The following ZAN variants were observed in gnomAD, a reference collection of about 807,000 sequenced individuals.
ZAN encodes the protein zonadhesin (gene/pseudogene).
Under a neutral mutation model 286.2 loss-of-function variants are expected in ZAN, and 260 were observed. The observed-to-expected ratio is 0.91, with a 90% CI of 0.82 to 1.01. The LOEUF is 1.01. Ranked by LOEUF, ZAN falls within the 50% of genes least tolerant of loss-of-function variation. ZAN has a pLI of 0.00. For missense variants in ZAN, 3,410 were observed against 3,639.2 expected (o/e 0.94, Z 1.62); for synonymous variants, 1,368 against 1,417.5 (o/e 0.97, Z 0.79).
chr7:100,767,258 G>A lies in ZAN; in HGVS notation c.4860+1G>A. The A allele has an allele frequency of 6.2e-7, 1 of 1,605,560 alleles. No homozygotes were observed. On this transcript the variant is annotated splice_donor_variant, in intron 25 of 47. Transcript: ENST00000613979. LOFTEE classifies it high-confidence loss of function. The stretch of plus-strand genomic sequence containing the variant: ...ACTGCTCAGAGGCTGTAAGGTCATG[G>A]TGGGTGTCTTCCTCCTGCCTCCTGG...
At chr7:100,780,292 A>G (rs1017125270) in intron 35 of ZAN, among the ~76,000 whole-genome samples, 7 of 152,188 alleles carry the variant, frequency 4.6e-5, no homozygotes, top group African/African-American at 1.2e-4. Flanking sequence ...CAGGAATTCA[A>G]TAGAGTTTTT....
chr7:100,794,449 C>T (rs1419225751), intron 44 of ZAN, among the ~76,000 whole-genome samples, 191 bp downstream of exon 44: 1 of 152,126 alleles, frequency 6.6e-6, no homozygotes, highest in Non-Finnish European at 1.5e-5. Flanking sequence ...CGAATCCTTC[C>T]CTAGCGTTCC....
Position 100,797,722 on chromosome 7 carries a change from G to A in ZAN, c.8429G>A (p.Cys2810Tyr). The A allele has an allele frequency of 6.2e-7, 1 of 1,613,964 alleles. No homozygotes were observed. Reference protein sequence around the residue: ...RLVDTDTVLDCAC With the variant: ...RLVDTDTVLDYAC ...TTCTCCTCAGATACTGTTCTGGACTGTGCCTGTTAAGTTGCTCAGTTTTGA... is the reference window on the plus strand; with the variant it reads ...TTCTCCTCAGATACTGTTCTGGACTATGCCTGTTAAGTTGCTCAGTTTTGA... The change falls in exon 48 of 48, where the codon TGT (cysteine) becomes TAT (tyrosine). Residue 2810 changes from cysteine (C) to tyrosine (Y), a missense_variant. Around this residue, in one of 7 missense-constraint regions of ZAN, gnomAD observed 1,289 missense variants for 1,314.3 expected, o/e 0.98. Transcript: ENST00000613979.
intron 11 of ZAN, among the ~76,000 whole-genome samples, chr7:100,749,447 T>C (rs570632485): frequency 1.3e-4 from 20 of 150,496 alleles, no homozygotes; most frequent in Admixed American, 6.0e-4. Flanking sequence ...GAGACCATCC[T>C]GGCTAACACG....
At position 100,766,602 on chromosome 7, in the gene ZAN, C is replaced by G; in HGVS notation, c.4548C>G (p.Pro1516=). The change falls in exon 24 of 48, where the codon CCC becomes CCG. Residue 1516 remains proline, a synonymous_variant. Coordinates refer to ENST00000613979, the MANE Select transcript of ZAN (RefSeq NM_003386.3). ...CESNNRIRCQ[P]WRCRAQEFCG... Reference sequence around the variant, plus strand: ...GCAACAACAGAATTCGCTGCCAGCCCTGGAGGTGTAGGGCCCAGGAGTTCT... The same window carrying G: ...GCAACAACAGAATTCGCTGCCAGCCGTGGAGGTGTAGGGCCCAGGAGTTCT... 1 of 1,556,098 alleles carries G rather than the reference C, an allele frequency of 6.4e-7. No individual in the cohort carries two copies. The highest frequency in any genetic ancestry group is 8.7e-7 in the Non-Finnish European group (1 of 1,149,656).
In ZAN at chr7:100,750,909, G is replaced by A. The variant is rs776332306; in HGVS notation, c.1521+13G>A. 6.5e-6 allele frequency: 10 copies of A among 1,531,420 alleles called. No homozygotes were observed. Among genetic ancestry groups the A allele is most frequent in the Non-Finnish European group, 8.8e-6 (10 of 1,138,278 alleles). The allele number at this position is 1,531,420 out of a possible 1,614,324, so 94.9% of individuals were successfully genotyped here. A position where few individuals can be genotyped will look rare whatever the true frequency, so the allele number is the denominator to read the frequency against. The stretch of plus-strand genomic sequence containing the variant: ...ACAGCCCATGCAGGTGAGAGACGGA[G>A]GCGGGGGTCCTGTCTGTGTGAGGTG... On this transcript the variant is annotated intron_variant, in intron 12 of 47. Transcript: ENST00000613979.
chr7:100,764,523 T>G (rs1013977484), intron 22 of ZAN, among the ~76,000 whole-genome samples: 2 of 138,818 alleles, frequency 1.4e-5, no homozygotes, highest in Non-Finnish European at 3.1e-5. Flanking sequence ...AATAAATAAA[T>G]AAATAAAAAT....
chr7:100,763,694 AGCTGACAG>A lies in ZAN; in HGVS notation c.3987-107_3987-100del. 9.3e-7 allele frequency: 1 copy of A among 1,076,970 alleles called. No homozygotes were observed. Among genetic ancestry groups the A allele is most frequent in the South Asian group, 1.4e-5 (1 of 74,072 alleles). 66.7% of individuals were successfully genotyped at this position (1,076,970 alleles called of 1,614,324 possible). A position where few individuals can be genotyped will look rare whatever the true frequency, so the allele number is the denominator to read the frequency against. The stretch of plus-strand genomic sequence containing the variant: ...AAACATCCTCTGGGAGGGGTTTCCC[AGCTGACAG>A]GCTGGTTTGCCGGTCCCGGCCTGCC... On this transcript the variant is annotated intron_variant, in intron 20 of 47. Transcript: ENST00000613979. The surrounding 1 kb of genome is among the most constrained non-coding windows in gnomAD (Gnocchi z 4.6).
chr7:100,734,352 G>T, intron 2 of ZAN, 131 bp downstream of exon 2: 1 of 608,074 alleles, frequency 1.6e-6, no homozygotes, highest in South Asian at 2.3e-5. Context: ...AGGCACGGTG[G>T]CTCACGCCTG....
At chr7:100,775,604 G>A in intron 32 of ZAN, 29 bp downstream of exon 32, 2 of 1,611,664 alleles carry the variant, frequency 1.2e-6, no homozygotes, top group Non-Finnish European at 1.7e-6. Flanking sequence ...CCGGGGCTGG[G>A]AGGGAGTGCT....
rs556990656 is a variant in ZAN at position 100,762,725 on chromosome 7, G to A, written c.3986+367G>A. On this transcript the variant is annotated intron_variant, in intron 20 of 47. Transcript: ENST00000613979. Reference sequence around the variant, plus strand: ...CAGGTGTGAGCCACCACACCACCACGTCCAGCCCTCCACCCGCCCTTTTTT... The same window carrying A: ...CAGGTGTGAGCCACCACACCACCACATCCAGCCCTCCACCCGCCCTTTTTT... 5.1e-4 allele frequency among the ~76,000 whole-genome samples: 76 copies of A among 148,106 alleles called. 1 individual carries two copies. The highest frequency in any genetic ancestry group is 4.3e-3 in the Admixed American group (63 of 14,742).
Position 100,797,661 on chromosome 7 carries a change from A to C in ZAN, c.8413+38A>C, listed in dbSNP as rs1812456248. On this transcript the variant is annotated intron_variant, in intron 47 of 47. Transcript: ENST00000613979. ...CCCACAGCCCGGAACCTCGGGGCCTAGAGTTGAGTCTCCTCTCATACATGG... is the reference window on the plus strand; with the variant it reads ...CCCACAGCCCGGAACCTCGGGGCCTCGAGTTGAGTCTCCTCTCATACATGG... 4 of 1,613,996 alleles carry C rather than the reference A, an allele frequency of 2.5e-6. No homozygotes were observed. In the East Asian group the frequency reaches 8.9e-5, roughly 36 times the overall value.
intron 42 of ZAN, 28 bp downstream of exon 42, chr7:100,792,507 C>T (rs768782796): frequency 1.2e-5 from 20 of 1,613,148 alleles, no homozygotes; most frequent in East Asian, 1.1e-4. Flanking sequence ...AGGAGGCGGG[C>T]GCTGCCCTGG....
At chr7:100,796,570 C>G (rs1244648772) in intron 45 of ZAN, among the ~76,000 whole-genome samples, 3 of 151,946 alleles carry the variant, frequency 2.0e-5, no homozygotes, top group Non-Finnish European at 2.9e-5. Context: ...GCGCCGGCCA[C>G]CACGCCCGGC....
At chr7:100,788,264 G>C in intron 38 of ZAN, 128 bp downstream of exon 38, 1 of 1,306,436 alleles carries the variant, frequency 7.7e-7, no homozygotes, top group Non-Finnish European at 1.0e-6. Context: ...TGTAAAATCA[G>C]AGTCAGCAGG....
Position 100,750,739 on chromosome 7 carries a change from A to G in ZAN, c.1364A>G (p.His455Arg), listed in dbSNP as rs748344261. 1.2e-6 allele frequency: 2 copies of G among 1,613,048 alleles called. No homozygotes were observed. The highest frequency in any genetic ancestry group is 2.2e-5 in the South Asian group (2 of 90,870). Residue 455 changes from histidine (H) to arginine (R), a missense_variant, in exon 12 of 48, where the codon CAC (histidine) becomes CGC (arginine). By Grantham distance (29) the His-to-Arg change is conservative (BLOSUM62 0). Transcript: ENST00000613979. ...GACATCTGCGTGGAGTTCGCATACCACATGTATGGCCTTGGGGAGGGTACT... is the reference window on the plus strand; with the variant it reads ...GACATCTGCGTGGAGTTCGCATACCGCATGTATGGCCTTGGGGAGGGTACT... ...PGDICVEFAY[H>R]MYGLGEGTML...
intron 40 of ZAN, among the ~76,000 whole-genome samples, chr7:100,791,413 T>C (rs1465733842): frequency 6.6e-6 from 1 of 151,902 alleles, no homozygotes; most frequent in African/African-American, 2.4e-5. Flanking sequence ...TCCTCCTTCT[T>C]CTTCTCCTCC....
In ZAN at chr7:100,793,906, T is replaced by C; in HGVS notation, c.7874T>C (p.Leu2625Pro). The change falls in exon 43 of 48, where the codon CTG becomes CCG. Residue 2625 changes from leucine (L) to proline (P), a missense_variant. Leu to Pro is a moderately conservative substitution (Grantham distance 98). Coordinates refer to ENST00000613979, the MANE Select transcript of ZAN (RefSeq NM_003386.3). ...TGCCAACCTGGCAGACCCCGGGGAC[T>C]GCGAGGGCCCCTGCGTGGAAGGCTG... ...ILCQPGRPRG[L>P]RGPLRGRLRQ... is the part of the protein sequence containing the mutation. 1.2e-6 allele frequency: 2 copies of C among 1,613,978 alleles called. No individual in the cohort carries two copies. Among genetic ancestry groups the C allele is most frequent in the Non-Finnish European group, 1.7e-6 (2 of 1,179,890 alleles).
In ZAN at chr7:100,790,957, G is replaced by T; in HGVS notation, c.7373G>T (p.Ser2458Ile). 6.2e-7 allele frequency: 1 copy of T among 1,610,636 alleles called. No homozygotes were observed. Among genetic ancestry groups the T allele is most frequent in the Admixed American group, 1.7e-5 (1 of 59,638 alleles). The change falls in exon 40 of 48, where the codon AGC becomes ATC. Residue 2458 changes from serine to isoleucine, a missense_variant. Physicochemically the swap from Ser to Ile is moderately radical, Grantham distance 142. This residue lies in a region of ZAN where 1,289 missense variants were observed against 1,314.3 expected (regional missense o/e 0.98). Coordinates refer to ENST00000613979, the MANE Select transcript of ZAN (RefSeq NM_003386.3). ...CCTCCCGCAGTGATCTCCCTACCCA[G>T]CATGTACGAGGGGCTTGTGAGTGGC... is the stretch of plus-strand genomic sequence containing the variant. ...GRKNAVISLP[S>I]MYEGLVSGLC...
Sources: gnomAD v4.1 joint callset for allele counts (sites outside exome capture counted in the v4.1 genomes callset) on GRCh38, gnomAD v4.1.1 for gene constraint, gnomAD v4.1.1 regional missense constraint, Gnocchi (gnomAD v3.1) non-coding constraint, MANE v1.5 for transcripts, NCBI Gene and HGNC (gene_info 2026-07-23, HGNC 2026-07-21) for gene names.